The following GRM8 variants were observed in gnomAD, a reference collection of about 807,000 sequenced individuals.
GRM8 encodes glutamate metabotropic receptor 8, also known as metabotropic glutamate receptor 8.
In GRM8, 47 loss-of-function variants were observed where a neutral mutation model predicts 87.2. The ratio of observed to expected loss-of-function variants is 0.54; its 90% CI spans 0.43 to 0.69. The LOEUF (loss-of-function observed/expected upper bound fraction) is 0.69. Ranked by LOEUF, GRM8 falls within the 30% of genes least tolerant of loss-of-function variation. The pLI, the probability that GRM8 is intolerant of heterozygous loss-of-function variation, is 0.00. For missense variants in GRM8, 1,019 were observed against 1,139.2 expected, an observed-to-expected ratio of 0.89 and a Z score of 1.52; for synonymous variants, 396 against 404.5, an observed-to-expected ratio of 0.98 and a Z score of 0.25.
chr7:126,668,968 C>A (rs1806093987), intron 7 of GRM8, among the ~76,000 whole-genome samples: 1 of 152,012 alleles, frequency 6.6e-6, no homozygotes, highest in African/African-American at 2.4e-5. Context: ...ACATATATAC[C>A]ATGGAATACT....
At chr7:127,063,370 G>A (rs1820807531) in intron 3 of GRM8, among the ~76,000 whole-genome samples, 1 of 152,036 alleles carries the variant, frequency 6.6e-6, no homozygotes, top group South Asian at 2.1e-4. Flanking sequence ...GAGGTCAGGA[G>A]TTTGAGAGCA....
rs145546145 is a variant in GRM8, at chr7:126,546,787, T to C, written c.1495-12900A>G. Among the ~76,000 whole-genome samples the C allele has an allele frequency of 4.5e-3, 692 of 152,332 alleles. 3 individuals are homozygous for C. The highest frequency in any genetic ancestry group is 6.9e-3 in the Non-Finnish European group (468 of 68,018). Reference sequence around the variant, plus strand: ...AAGATACTCTCTCCAGCTAGGATTATTCTAGTCATTACATTCCATATGAGG... The same window carrying C: ...AAGATACTCTCTCCAGCTAGGATTACTCTAGTCATTACATTCCATATGAGG... On this transcript the variant is annotated intron_variant, in intron 8 of 10. Transcript: ENST00000339582.
At chr7:126,500,869 T>C (rs534112882) in intron 9 of GRM8, among the ~76,000 whole-genome samples, 2 of 152,116 alleles carry the variant, frequency 1.3e-5, no homozygotes, top group South Asian at 2.1e-4. Context: ...CAAATTAACA[T>C]AGTATGAATG....
At chr7:126,851,308 CT>C (rs1797187500) in intron 6 of GRM8, among the ~76,000 whole-genome samples, 1 of 152,154 alleles carries the variant, frequency 6.6e-6, no homozygotes, top group Non-Finnish European at 1.5e-5. Context: ...CCCTCCTGGA[CT>C]ACTGGAATAA....
At chr7:126,925,681 A>G (rs955221856) in intron 3 of GRM8, among the ~76,000 whole-genome samples, 5 of 152,346 alleles carry the variant, frequency 3.3e-5, no homozygotes, top group African/African-American at 1.2e-4. Context: ...TTATCATGCT[A>G]TCACAAGAGA....
chr7:127,000,774 G>A (rs1813648486), intron 3 of GRM8, among the ~76,000 whole-genome samples: 1 of 151,492 alleles, frequency 6.6e-6, no homozygotes, highest in Non-Finnish European at 1.5e-5. Flanking sequence ...GGAAAATTCT[G>A]GAAATATTGG....
At chr7:127,040,256 T>G (rs951598241) in intron 3 of GRM8, among the ~76,000 whole-genome samples, 1 of 151,978 alleles carries the variant, frequency 6.6e-6, no homozygotes, top group African/African-American at 2.4e-5. Context: ...CGGGCAGCAT[T>G]GGTGATGGGT....
chr7:126,817,849 A>AT (rs767180944), intron 6 of GRM8, among the ~76,000 whole-genome samples: 1 of 152,174 alleles, frequency 6.6e-6, no homozygotes, highest in South Asian at 2.1e-4. Flanking sequence ...AATATCATAC[A>AT]TTCATTCTGT....
intron 7 of GRM8, among the ~76,000 whole-genome samples, chr7:126,703,731 T>A (rs1372896864): frequency 6.6e-6 from 1 of 152,138 alleles, no homozygotes; most frequent in Non-Finnish European, 1.5e-5. Context: ...GGCTAATTTT[T>A]AAAATTTTTT....
chr7:126,540,298 A>G (rs1185354888), intron 8 of GRM8, among the ~76,000 whole-genome samples: 2 of 152,146 alleles, frequency 1.3e-5, no homozygotes, highest in Admixed American at 6.5e-5. Context: ...GCAAGTGTTG[A>G]TAAAGATGTG....
At chr7:127,169,382 A>C (rs1275814774) in intron 2 of GRM8, among the ~76,000 whole-genome samples, 2 of 152,208 alleles carry the variant, frequency 1.3e-5, no homozygotes, top group Non-Finnish European at 2.9e-5. Context: ...ATGGCTGAGA[A>C]AGGTGAGGAG....
At chr7:126,726,173 A>G (rs1812945898) in intron 7 of GRM8, among the ~76,000 whole-genome samples, 1 of 152,114 alleles carries the variant, frequency 6.6e-6, no homozygotes, top group Non-Finnish European at 1.5e-5. Context: ...GATGAATAGT[A>G]AACTCCATGC....
At chr7:126,678,277 C>G (rs2151324947) in intron 7 of GRM8, among the ~76,000 whole-genome samples, 1 of 152,034 alleles carries the variant, frequency 6.6e-6, no homozygotes, top group Admixed American at 6.5e-5. Context: ...TAAGACATAC[C>G]TGGTTTATGT....
At chr7:126,733,718 T>C (rs1040253048) in intron 7 of GRM8, among the ~76,000 whole-genome samples, 2 of 152,022 alleles carry the variant, frequency 1.3e-5, no homozygotes, top group Non-Finnish European at 2.9e-5. Flanking sequence ...ACAAAATTTA[T>C]AGTGTATCTA....
chr7:126,563,047 A>G (rs1296824746), intron 8 of GRM8, among the ~76,000 whole-genome samples: 1 of 152,176 alleles, frequency 6.6e-6, no homozygotes, highest in African/African-American at 2.4e-5. Context: ...CAATATGTGG[A>G]TATGATGTTT....
chr7:127,097,377 G>A (rs73231207), intron 3 of GRM8, among the ~76,000 whole-genome samples: 43 of 152,266 alleles, frequency 2.8e-4, no homozygotes, highest in Non-Finnish European at 5.7e-4. Flanking sequence ...AGAAGTGGGT[G>A]GATGGCATTG....
rs752623431 is a variant in GRM8 at position 127,242,712 on chromosome 7, T to C, written c.493A>G (p.Ile165Val). Residue 165 changes from isoleucine (I) to valine (V), a missense_variant, in exon 2 of 11, where the codon ATT becomes GTT. Transcript: ENST00000339582. Reference protein sequence around the residue: ...ASSVSIMVANILRLFKIPQIS... With the variant: ...ASSVSIMVANVLRLFKIPQIS... Reference sequence around the variant, plus strand: ...TTACCTACCTTAAAAAGTCTTAAAATGTTAGCAACCATGATGGACACGGAG... The same window carrying C: ...TTACCTACCTTAAAAAGTCTTAAAACGTTAGCAACCATGATGGACACGGAG... 24 of 1,613,770 alleles carry C rather than the reference T, an allele frequency of 1.5e-5. No homozygotes were observed. In the Middle Eastern group the frequency reaches 4.9e-4, roughly 33 times the overall value.
intron 6 of GRM8, among the ~76,000 whole-genome samples, chr7:126,805,602 T>TTG (rs758416395): frequency 1.3e-5 from 2 of 152,196 alleles, no homozygotes; most frequent in African/African-American, 4.8e-5. Context: ...AGCTTGCTGC[T>TTG]TGTGGCTTGC....
chr7:127,178,896 A>T (rs996448484), intron 2 of GRM8, among the ~76,000 whole-genome samples: 1 of 152,204 alleles, frequency 6.6e-6, no homozygotes, highest in African/African-American at 2.4e-5. Flanking sequence ...TCTTTAAAGC[A>T]TAAATCACAC....
Sources: gnomAD v4.1 joint callset for allele counts (sites outside exome capture counted in the v4.1 genomes callset) on GRCh38, gnomAD v4.1.1 for gene constraint, MANE v1.5 for transcripts, NCBI Gene and HGNC (gene_info 2026-07-23, HGNC 2026-07-21) for gene names.